Variants in ACER1 observed in about 807,000 individuals in gnomAD.
ACER1 encodes alkaline ceramidase 1, also known as CTB-180A7.3.
Under a neutral mutation model 24.9 loss-of-function variants are expected in ACER1, and 28 were observed. The ratio of observed to expected loss-of-function variants is 1.13; its 90% CI spans 0.83 to 1.54. ACER1 has a LOEUF of 1.54. Among genes scored for constraint, ACER1 ranks in the 40% most tolerant of loss-of-function variants. The pLI, the probability that ACER1 is intolerant of heterozygous loss-of-function variation, is 0.00. For synonymous variants in ACER1, 132 were observed against 131.4 expected (o/e 1.00, Z -0.03); for missense variants, 352 against 349.3 (o/e 1.01, Z -0.06).
chr19:6,322,727 A>G (rs1433374416), intron 1 of ACER1, among the ~76,000 whole-genome samples: 3 of 152,104 alleles, frequency 2.0e-5, no homozygotes, highest in Non-Finnish European at 4.4e-5. Flanking sequence ...TAACTCCCAC[A>G]ATTCCCGTGT....
At chr19:6,355,035 G>C in the ACER1 span, among the ~76,000 whole-genome samples, 10 of 152,132 alleles carry the variant, frequency 6.6e-5, no homozygotes, top group Non-Finnish European at 1.3e-4. Flanking sequence ...GTGTTGGCCG[G>C]GCTGGTCTCC....
At chr19:6,329,760 C>T (rs969206490) in intron 1 of ACER1, among the ~76,000 whole-genome samples, 20 of 152,180 alleles carry the variant, frequency 1.3e-4, no homozygotes, top group South Asian at 2.1e-4. Flanking sequence ...GGCCGGAATA[C>T]GGTGGTGCAG....
rs1335544558 is a variant in ACER1, at chr19:6,333,555, G to A, written c.-4C>T. ...GATAGGCGAAGATGCTAGGCATCTT[G>A]TCTCAGTGGCCACCACCAGCCGGCT... On this transcript the variant is annotated 5_prime_UTR_variant, in exon 1 of 6. Transcript: ENST00000301452. The A allele has an allele frequency of 2.5e-6, 4 of 1,575,078 alleles. No individual in the cohort carries two copies. The highest frequency in any genetic ancestry group is 3.5e-6 in the Non-Finnish European group (4 of 1,159,050).
chr19:6,317,253 C>T (rs553570265), intron 1 of ACER1, among the ~76,000 whole-genome samples: 26 of 152,228 alleles, frequency 1.7e-4, no homozygotes, highest in African/African-American at 6.3e-4. Flanking sequence ...GGATTACAGG[C>T]GTGAGCCACT....
At chr19:6,312,057 A>C in intron 3 of ACER1, 92 bp downstream of exon 3, 1 of 1,484,226 alleles carries the variant, frequency 6.7e-7, no homozygotes, top group Non-Finnish European at 9.0e-7. Flanking sequence ...AAGAGGGTCA[A>C]GGGTGGGGAC....
chr19:6,355,234 CCGG>C, the ACER1 span, among the ~76,000 whole-genome samples: 1 of 151,994 alleles, frequency 6.6e-6, no homozygotes, highest in African/African-American at 2.4e-5. Context: ...CAGCCTCTGC[CCGG>C]CCGCCACCCT....
chr19:6,358,950 A>AAAAAAAAAAG, the ACER1 span, among the ~76,000 whole-genome samples: 1 of 150,276 alleles, frequency 6.7e-6, no homozygotes, highest in African/African-American at 2.5e-5. Flanking sequence ...AAAAAAAAAA[A>AAAAAAAAAAG]GAGTCCAGCT....
Position 6,312,374 on chromosome 19 carries a change from C to T in ACER1, c.208+11G>A, listed in dbSNP as rs530023934. 2.5e-5 allele frequency: 41 copies of T among 1,614,054 alleles called. No homozygotes were observed. In the South Asian group the frequency reaches 4.0e-4, roughly 16 times the overall value. On this transcript the variant is annotated intron_variant, in intron 2 of 5. Transcript: ENST00000301452. ...TCCCGACTGTCACAGACCTGAACCA[C>T]ACCTCCCTACCTATGATCATGAAGA... is the stretch of plus-strand genomic sequence containing the variant.
At chr19:6,348,575 A>G in the ACER1 span, among the ~76,000 whole-genome samples, 1 of 152,096 alleles carries the variant, frequency 6.6e-6, no homozygotes. Context: ...TTTCGTCACA[A>G]AGAAAACATC....
At chr19:6,308,262 C>CT (rs2091561463) in intron 4 of ACER1, among the ~76,000 whole-genome samples, 1 of 151,872 alleles carries the variant, frequency 6.6e-6, no homozygotes, top group Admixed American at 6.6e-5. Flanking sequence ...TGGCGAAACT[C>CT]TGTCTCTACT....
At chr19:6,328,572 G>A (rs1163809859) in intron 1 of ACER1, among the ~76,000 whole-genome samples, 1 of 151,340 alleles carries the variant, frequency 6.6e-6, no homozygotes, top group African/African-American at 2.4e-5. Flanking sequence ...GGCCCTGGGT[G>A]CAGTGGCTTA....
intron 3 of ACER1, among the ~76,000 whole-genome samples, chr19:6,310,347 A>G (rs2091572905): frequency 6.6e-6 from 1 of 151,944 alleles, no homozygotes; most frequent in South Asian, 2.1e-4. Flanking sequence ...TCGGCCTCCC[A>G]AAGTGCTAGG....
rs533600440 is a variant in ACER1 at position 6,323,404 on chromosome 19, G to A, written c.93+10055C>T. On this transcript the variant is annotated intron_variant, in intron 1 of 5. Transcript: ENST00000301452. Reference sequence around the variant, plus strand: ...CCACTGCACTCCAGCCTGGGTGACAGCGAGACTCCGTCTCAAAAAAAAAAA... The same window carrying A: ...CCACTGCACTCCAGCCTGGGTGACAACGAGACTCCGTCTCAAAAAAAAAAA... Among the ~76,000 whole-genome samples, 4 of 150,732 alleles carry A rather than the reference G, an allele frequency of 2.7e-5. No homozygotes were observed. The South Asian group carries it at 6.3e-4, about 24-fold the overall frequency.
the ACER1 span, among the ~76,000 whole-genome samples, chr19:6,346,444 T>TCTCCTC: frequency 6.6e-6 from 1 of 151,598 alleles, no homozygotes; most frequent in Non-Finnish European, 1.5e-5. Context: ...CTCATTCTTT[T>TCTCCTC]CTCCTCCTCC....
At chr19:6,358,115 T>C in the ACER1 span, among the ~76,000 whole-genome samples, 1 of 152,094 alleles carries the variant, frequency 6.6e-6, no homozygotes, top group Non-Finnish European at 1.5e-5. Context: ...GCTGCAGCCC[T>C]GGGGCAACCG....
At chr19:6,314,920 A>G (rs963451434) in intron 1 of ACER1, among the ~76,000 whole-genome samples, 1 of 148,986 alleles carries the variant, frequency 6.7e-6, no homozygotes, top group Admixed American at 6.6e-5. Context: ...GAGATGGAGT[A>G]TTGCTCTGTC....
chr19:6,323,833 G>T (rs1263114796), intron 1 of ACER1, among the ~76,000 whole-genome samples: 1 of 151,854 alleles, frequency 6.6e-6, no homozygotes, highest in Non-Finnish European at 1.5e-5. Context: ...GTAATTTAGA[G>T]CTTATGAGAC....
At chr19:6,355,605 C>T in the ACER1 span, among the ~76,000 whole-genome samples, 11 of 149,202 alleles carry the variant, frequency 7.4e-5, no homozygotes, top group South Asian at 2.1e-4. Flanking sequence ...CCAGCCGCCC[C>T]GTCCGGGAGG....
chr19:6,336,101 A>G (rs913611276), upstream of ACER1, among the ~76,000 whole-genome samples: 28 of 151,874 alleles, frequency 1.8e-4, no homozygotes, highest in African/African-American at 6.5e-4. Flanking sequence ...GGGTTTCACC[A>G]TGTTGGCCAG....
Sources: allele counts gnomAD v4.1 joint callset (sites outside exome capture counted in the v4.1 genomes callset), GRCh38; gene constraint gnomAD v4.1.1; transcripts MANE v1.5; gene names NCBI Gene and HGNC (gene_info 2026-07-23, HGNC 2026-07-21).